COL26A1: variants seen among roughly 807,000 people sequenced by gnomAD.
COL26A1 encodes collagen type XXVI alpha 1 chain.
Under a neutral mutation model 59.3 loss-of-function variants are expected in COL26A1, and 41 were observed. The observed-to-expected ratio is 0.69, with a 90% confidence interval of 0.54 to 0.90. COL26A1 has a LOEUF of 0.90. Ranked by LOEUF, COL26A1 falls within the 40% of genes least tolerant of loss-of-function variation. COL26A1 has a pLI of 0.00. For missense variants in COL26A1, 612 were observed against 602.3 expected (o/e 1.02, Z -0.17); for synonymous variants, 266 against 256.0 (o/e 1.04, Z -0.37).
chr7:101,548,164 A>C (rs1795780107), intron 8 of COL26A1, among the ~76,000 whole-genome samples: 3 of 152,106 alleles, frequency 2.0e-5, no homozygotes, highest in Admixed American at 2.0e-4. Flanking sequence ...GGAGAACTGG[A>C]CAGACTCCTG....
At chr7:101,455,769 G>A (rs34799522) in intron 3 of COL26A1, among the ~76,000 whole-genome samples, 50,062 of 151,752 alleles carry the variant, frequency 0.33, 8,923 homozygotes, top group Middle Eastern at 0.41. Flanking sequence ...TGCAACCTCC[G>A]CCTCCTGGGT....
At chr7:101,547,829 G>A (rs62465100) in intron 8 of COL26A1, among the ~76,000 whole-genome samples, 102 of 146,276 alleles carry the variant, frequency 7.0e-4, no homozygotes, top group East Asian at 1.5e-3. Flanking sequence ...TCATTCATTC[G>A]TTTATTCATT....
intron 7 of COL26A1, among the ~76,000 whole-genome samples, chr7:101,546,345 C>A (rs1264668470): frequency 6.6e-6 from 1 of 152,180 alleles, no homozygotes; most frequent in Non-Finnish European, 1.5e-5. Context: ...AGGGATCCTC[C>A]CACCTCAGCC....
chr7:101,423,520 G>A (rs1260316383), intron 2 of COL26A1, among the ~76,000 whole-genome samples: 2 of 152,176 alleles, frequency 1.3e-5, no homozygotes, highest in African/African-American at 2.4e-5. Context: ...GGATCACACG[G>A]TCAGGAGTTT....
At chr7:101,462,362 GC>G (rs2130430122) in intron 3 of COL26A1, among the ~76,000 whole-genome samples, 1 of 151,866 alleles carries the variant, frequency 6.6e-6, no homozygotes, top group South Asian at 2.1e-4. Context: ...TGTCATCCAG[GC>G]TGGAGTGCAG....
intron 2 of COL26A1, among the ~76,000 whole-genome samples, chr7:101,428,745 C>T (rs1480275926): frequency 6.6e-6 from 1 of 151,582 alleles, no homozygotes; most frequent in Non-Finnish European, 1.5e-5. Flanking sequence ...CTCAAGCAAT[C>T]CTCCTGCCTC....
At chr7:101,448,418 G>A (rs1793252589) in intron 3 of COL26A1, among the ~76,000 whole-genome samples, 1 of 152,110 alleles carries the variant, frequency 6.6e-6, no homozygotes, top group South Asian at 2.1e-4. Flanking sequence ...TAATGAACAA[G>A]TTTGCAGCCC....
At chr7:101,534,134 G>C (rs1242774601) in intron 4 of COL26A1, among the ~76,000 whole-genome samples, 2 of 152,218 alleles carry the variant, frequency 1.3e-5, no homozygotes. Flanking sequence ...GGGACAGCAG[G>C]GTTGGCTGCA....
At chr7:101,412,845 C>T (rs1258558927) in intron 1 of COL26A1, among the ~76,000 whole-genome samples, 3 of 152,086 alleles carry the variant, frequency 2.0e-5, no homozygotes, top group African/African-American at 4.8e-5. Context: ...AAACTAAGAA[C>T]CCTCCCTGGC....
chr7:101,375,799 A>G (rs1043469297), intron 1 of COL26A1, among the ~76,000 whole-genome samples: 1 of 151,044 alleles, frequency 6.6e-6, no homozygotes, highest in African/African-American at 2.4e-5. Flanking sequence ...CATCCTGGCT[A>G]ACACGGTGAA....
chr7:101,446,893 C>G lies in COL26A1; in HGVS notation c.282-791C>G, dbSNP rs543314969. Among the ~76,000 whole-genome samples the G allele has an allele frequency of 2.8e-3, 426 of 151,668 alleles. 2 individuals are homozygous for G. Among genetic ancestry groups the G allele is most frequent in the African/African-American group, 9.6e-3 (399 of 41,390 alleles). On this transcript the variant is annotated intron_variant, in intron 2 of 12. Transcript: ENST00000313669. ...AGAGAGAGAGAAAGAGTAATTTACA[C>G]AGAGCCGGCTGTATGGGAGACTGGA...
intron 3 of COL26A1, among the ~76,000 whole-genome samples, chr7:101,521,996 T>G (rs1795149690): frequency 6.6e-6 from 1 of 152,212 alleles, no homozygotes; most frequent in African/African-American, 2.4e-5. Flanking sequence ...ATATGCAATT[T>G]ATTTATCCAG....
In COL26A1 at chr7:101,518,708, C is replaced by A. The variant is rs147041569; in HGVS notation, c.386-14374C>A. Among the ~76,000 whole-genome samples, 28 of 152,278 alleles carry A rather than the reference C, an allele frequency of 1.8e-4. 1 individual carries two copies. Among genetic ancestry groups the A allele is most frequent in the African/African-American group, 6.5e-4 (27 of 41,566 alleles). ...AAGAGAAGCAATTGAATCGCTGAAA[C>A]CGGCAAGATAAACATGTACAGTGAT... On this transcript the variant is annotated intron_variant, in intron 3 of 12. Transcript: ENST00000313669.
chr7:101,377,364 G>A (rs1220741910), intron 1 of COL26A1, among the ~76,000 whole-genome samples: 2 of 152,120 alleles, frequency 1.3e-5, no homozygotes, highest in Non-Finnish European at 2.9e-5. Context: ...GGGACCTGGG[G>A]AGGCCCTAAG....
intron 3 of COL26A1, among the ~76,000 whole-genome samples, chr7:101,463,780 T>C (rs1234645059): frequency 1.6e-5 from 2 of 126,930 alleles, no homozygotes; most frequent in Middle Eastern, 3.4e-3. Context: ...CTTCTTTCTT[T>C]CTTTCTTCCT....
chr7:101,544,708 T>G (rs993852233), intron 6 of COL26A1, among the ~76,000 whole-genome samples: 3 of 151,416 alleles, frequency 2.0e-5, no homozygotes, highest in Admixed American at 6.6e-5. Flanking sequence ...AATTTTTGTA[T>G]TTTTAGTAGA....
intron 3 of COL26A1, among the ~76,000 whole-genome samples, chr7:101,520,633 T>TATACACACACACACAC (rs1452059213): frequency 7.6e-4 from 105 of 137,296 alleles, no homozygotes; most frequent in South Asian, 1.1e-3. Context: ...CACAGACACA[T>TATACACACACACACAC]ACACACACAC....
intron 1 of COL26A1, among the ~76,000 whole-genome samples, chr7:101,413,192 C>G (rs1047535688): frequency 6.6e-6 from 1 of 152,108 alleles, no homozygotes; most frequent in Non-Finnish European, 1.5e-5. Context: ...ATTGCTCCTC[C>G]CCCTAGGTGA....
intron 5 of COL26A1, among the ~76,000 whole-genome samples, chr7:101,542,168 T>C (rs1795631325): frequency 6.6e-6 from 1 of 151,966 alleles, no homozygotes; most frequent in Admixed American, 6.6e-5. Context: ...GGTTTTGTCA[T>C]GTTGGCCAGG....
Sources: allele counts gnomAD v4.1 joint callset (sites outside exome capture counted in the v4.1 genomes callset), GRCh38; gene constraint gnomAD v4.1.1; transcripts MANE v1.5; gene names NCBI Gene and HGNC (gene_info 2026-07-23, HGNC 2026-07-21).